AMMECR1: variants seen among roughly 807,000 people sequenced by gnomAD.
AMMECR1 encodes the protein nuclear protein AMMECR1.
AMMECR1 carries 3 observed loss-of-function variants against 22.5 expected under a neutral mutation model. The observed-to-expected ratio is 0.13, with a 90% confidence interval of 0.06 to 0.35. The LOEUF is 0.35. Ranked by LOEUF, AMMECR1 falls within the 10% of genes least tolerant of loss-of-function variation. The pLI, the probability that AMMECR1 is intolerant of heterozygous loss-of-function variation, is 1.00. For missense variants in AMMECR1, 235 were observed against 278.7 expected (o/e 0.84, Z 1.12); for synonymous variants, 130 against 116.7 (o/e 1.11, Z -0.74).
chrX:110,285,970 T>A (rs1569397435), intron 1 of AMMECR1, among the ~76,000 whole-genome samples: 2 of 111,622 alleles, frequency 1.8e-5, no homozygotes, highest in African/African-American at 6.5e-5. Context: ...ATAAATTAAC[T>A]CACAAAGGGT....
At chrX:110,246,696 CAG>C (rs1459614032) in intron 2 of AMMECR1, among the ~76,000 whole-genome samples, 2 of 112,126 alleles carry the variant, frequency 1.8e-5, no homozygotes, top group Non-Finnish European at 3.8e-5. Flanking sequence ...AGTGCTGTAA[CAG>C]AGATACCAGT....
chrX:110,332,219 A>G (rs751811942), intron 2 of AMMECR1, among the ~76,000 whole-genome samples: 43 of 112,120 alleles, frequency 3.8e-4, no homozygotes, highest in African/African-American at 1.3e-3. Context: ...AATTATATCT[A>G]TGAAGTAATT....
intron 2 of AMMECR1, among the ~76,000 whole-genome samples, chrX:110,367,365 C>T (rs778764923): frequency 3.6e-5 from 4 of 112,075 alleles, no homozygotes; most frequent in Non-Finnish European, 7.5e-5. Context: ...CTTTTGCCAT[C>T]ATCACTCCAC....
At chrX:110,293,807 T>G (rs1171170158) in intron 1 of AMMECR1, among the ~76,000 whole-genome samples, 2 of 111,814 alleles carry the variant, frequency 1.8e-5, no homozygotes, top group Non-Finnish European at 3.8e-5. Flanking sequence ...TATCTGTATG[T>G]CTGTGAACCC....
chrX:110,311,547 G>T (rs1297874046), intron 1 of AMMECR1, among the ~76,000 whole-genome samples: 1 of 110,474 alleles, frequency 9.1e-6, no homozygotes, highest in Non-Finnish European at 1.9e-5. Flanking sequence ...TTTCCACTCA[G>T]CTATTCAACA....
At chrX:110,365,545 A>G in intron 2 of AMMECR1, among the ~76,000 whole-genome samples, 1 of 110,886 alleles carries the variant, frequency 9.0e-6, no homozygotes, top group East Asian at 2.8e-4. Context: ...GACAATTTAC[A>G]TAATAACTTT....
intron 2 of AMMECR1, among the ~76,000 whole-genome samples, chrX:110,234,189 C>A (rs2067586550): frequency 9.0e-6 from 1 of 111,391 alleles, no homozygotes; most frequent in Non-Finnish European, 1.9e-5. Context: ...CAATAACAGA[C>A]AAACAGAGAG....
At chrX:110,269,244 T>C (rs2067785679) in intron 1 of AMMECR1, among the ~76,000 whole-genome samples, 1 of 111,458 alleles carries the variant, frequency 9.0e-6, no homozygotes, top group African/African-American at 3.3e-5. Context: ...CCAGAACAAA[T>C]CAGAAATATG....
At chrX:110,432,915 G>T (rs1419974248) in intron 1 of AMMECR1, among the ~76,000 whole-genome samples, 1 of 112,752 alleles carries the variant, frequency 8.9e-6, no homozygotes, top group African/African-American at 3.2e-5. Context: ...GCATTTTATA[G>T]GTGAGGACCC....
rs191043721 is a variant in AMMECR1, at chrX:110,360,657, T to C, written c.-147-42808A>G. Among the ~76,000 whole-genome samples, 567 of 111,697 alleles carry C rather than the reference T, an allele frequency of 5.1e-3. 2 individuals are homozygous for C. The highest frequency in any genetic ancestry group is 7.8e-3 in the Non-Finnish European group (414 of 53,110). On this transcript the variant is annotated intron_variant, in intron 2 of 7. Coordinates refer to the AMMECR1 transcript ENST00000372057. The stretch of plus-strand genomic sequence containing the variant: ...TGAATAGTGATGCCATTCTTTAAGA[T>C]AGAGAGCCCAGGAGAAGTAGAAAGA...
chrX:110,253,289 T>C (rs2067695277), intron 2 of AMMECR1, among the ~76,000 whole-genome samples: 1 of 112,935 alleles, frequency 8.9e-6, no homozygotes, highest in South Asian at 3.6e-4. Context: ...CAGGAAAGCT[T>C]CTTATCTCAG....
chrX:110,211,438 TA>T (rs1250021161), intron 3 of AMMECR1, among the ~76,000 whole-genome samples: 1 of 112,333 alleles, frequency 8.9e-6, no homozygotes, highest in Non-Finnish European at 1.9e-5. Flanking sequence ...TTCAGATTTT[TA>T]AAAAGGAAAC....
At chrX:110,345,173 T>C (rs1296955853) in intron 2 of AMMECR1, among the ~76,000 whole-genome samples, 1 of 111,683 alleles carries the variant, frequency 9.0e-6, no homozygotes, top group Non-Finnish European at 1.9e-5. Flanking sequence ...CCATAAAAAA[T>C]GATGAGTTTA....
At chrX:110,339,415 A>C (rs1219287647) in intron 2 of AMMECR1, among the ~76,000 whole-genome samples, 7 of 108,649 alleles carry the variant, frequency 6.4e-5, no homozygotes, top group African/African-American at 1.6e-4. Flanking sequence ...AAAAAAAAAA[A>C]AAAAAAAAAA....
At chrX:110,291,353 T>A (rs761394663) in intron 1 of AMMECR1, among the ~76,000 whole-genome samples, 1 of 110,204 alleles carries the variant, frequency 9.1e-6, no homozygotes, top group Non-Finnish European at 1.9e-5. Context: ...TGAAACCCCA[T>A]CTCTAGTAAA....
At chrX:110,379,856 T>C (rs768968612) in intron 2 of AMMECR1, among the ~76,000 whole-genome samples, 2 of 112,465 alleles carry the variant, frequency 1.8e-5, no homozygotes, top group African/African-American at 6.4e-5. Flanking sequence ...TAATAACTTA[T>C]TGAGCATCTA....
rs1056889531 is a variant in AMMECR1 at position 110,198,254 on chromosome X, ATAT to A, written c.*263_*265del. 13 of 201,467 alleles carry A rather than the reference ATAT, an allele frequency of 6.5e-5. No homozygotes were observed. Among genetic ancestry groups the A allele is most frequent in the Non-Finnish European group, 9.9e-5 (11 of 111,550 alleles). The allele number at this position is 201,467 out of a possible 1,213,427, so 16.6% of individuals were successfully genotyped here. On this transcript the variant is annotated 3_prime_UTR_variant, in exon 6 of 6. Coordinates refer to ENST00000262844, the MANE Select transcript of AMMECR1 (RefSeq NM_015365.3). ...AGACAGCAAAGCAAAATTCTACATAATATTATAAGGAAAAAAAAACCCAAAATT... is the reference window on the plus strand; with the variant it reads ...AGACAGCAAAGCAAAATTCTACATAATATAAGGAAAAAAAAACCCAAAATT...
At chrX:110,324,279 G>A (rs2068089583) in intron 2 of AMMECR1, among the ~76,000 whole-genome samples, 1 of 111,641 alleles carries the variant, frequency 9.0e-6, no homozygotes, top group Non-Finnish European at 1.9e-5. Flanking sequence ...TTACAGGCGT[G>A]AGCCACCACA....
At chrX:110,275,205 A>G (rs1447354009) in intron 1 of AMMECR1, among the ~76,000 whole-genome samples, 2 of 111,752 alleles carry the variant, frequency 1.8e-5, no homozygotes, top group Admixed American at 1.9e-4. Flanking sequence ...TCCATCTGTT[A>G]TCATCTTCCT....
Sources: allele counts gnomAD v4.1 joint callset (sites outside exome capture counted in the v4.1 genomes callset), GRCh38; gene constraint gnomAD v4.1.1; transcripts MANE v1.5; gene names NCBI Gene and HGNC (gene_info 2026-07-23, HGNC 2026-07-21).